COPS8: variants seen among roughly 807,000 people sequenced by gnomAD.
COPS8 encodes the protein COP9 signalosome complex subunit 8.
Under a neutral mutation model 31.5 loss-of-function variants are expected in COPS8, and 11 were observed. The ratio of observed to expected loss-of-function variants is 0.35; its 90% CI spans 0.22 to 0.58. The LOEUF is 0.58. Among genes scored for constraint, COPS8 ranks in the 20% least tolerant of loss-of-function variants. The probability of loss-of-function intolerance (pLI) is 0.83; values close to 1 mark genes in which losing one functional copy is unlikely to be tolerated. For missense variants in COPS8, 215 were observed against 255.1 expected, an observed-to-expected ratio of 0.84 and a Z score of 1.07; for synonymous variants, 81 against 89.3, an observed-to-expected ratio of 0.91 and a Z score of 0.52.
At position 237,097,753 on chromosome 2, in the gene COPS8, T is replaced by C. The variant is rs770005690; in HGVS notation, c.*11T>C. Reference sequence around the variant, plus strand: ...TTCCTTGAAAACTGATTTATCACTCTGAGTTCAAGATTCATCTTCAGAATC... The same window carrying C: ...TTCCTTGAAAACTGATTTATCACTCCGAGTTCAAGATTCATCTTCAGAATC... On this transcript the variant is annotated 3_prime_UTR_variant, in exon 8 of 8. Transcript: ENST00000354371. The C allele has an allele frequency of 4.4e-6, 7 of 1,590,652 alleles. No individual in the cohort carries two copies. The Admixed American group carries it at 8.4e-5, about 19-fold the overall frequency.
rs764966948 is a variant in COPS8 at position 237,097,749 on chromosome 2, ACT to A, written c.*10_*11del. ...GGCTTTCCTTGAAAACTGATTTATC[ACT>A]CTGAGTTCAAGATTCATCTTCAGAA... On this transcript the variant is annotated 3_prime_UTR_variant, in exon 8 of 8. Coordinates refer to ENST00000354371, the MANE Select transcript of COPS8 (RefSeq NM_006710.5). 2 of 1,598,886 alleles carry A rather than the reference ACT, an allele frequency of 1.3e-6. No individual in the cohort carries two copies. Among genetic ancestry groups the A allele is most frequent in the Non-Finnish European group, 1.7e-6 (2 of 1,168,026 alleles).
chr2:237,094,620 C>A (rs1320297514), intron 5 of COPS8, among the ~76,000 whole-genome samples: 8 of 152,152 alleles, frequency 5.3e-5, no homozygotes, highest in African/African-American at 1.9e-4. Context: ...ATTTTCATTT[C>A]TCAGCTGATG....
intron 7 of COPS8, among the ~76,000 whole-genome samples, chr2:237,097,421 A>G (rs530003095): frequency 2.6e-5 from 4 of 152,168 alleles, no homozygotes; most frequent in African/African-American, 4.8e-5. Context: ...AGTAACAACA[A>G]CATGAGACAT....
At chr2:237,096,062 T>C (rs1282552348) in intron 6 of COPS8, among the ~76,000 whole-genome samples, 178 bp downstream of exon 6, 1 of 152,236 alleles carries the variant, frequency 6.6e-6, no homozygotes, top group Non-Finnish European at 1.5e-5. Flanking sequence ...GTTTAAACTC[T>C]TAAAAATGTA....
At chr2:237,089,807 A>G (rs1310732462) in intron 3 of COPS8, 55 bp from the exon 4 acceptor site, 2 of 1,546,562 alleles carry the variant, frequency 1.3e-6, no homozygotes, top group African/African-American at 2.7e-5. Context: ...TTAAGATACA[A>G]TCATTGGTGC....
intron 4 of COPS8, chr2:237,093,673 G>A: frequency 1.0e-6 from 1 of 985,848 alleles, no homozygotes; most frequent in Non-Finnish European, 1.2e-6. Flanking sequence ...GTGTGGTCCT[G>A]TATTAGAGAC....
chr2:237,097,055 C>T (rs1696815678), intron 7 of COPS8, among the ~76,000 whole-genome samples, 186 bp downstream of exon 7: 1 of 152,190 alleles, frequency 6.6e-6, no homozygotes, highest in Non-Finnish European at 1.5e-5. Context: ...CCAGAGCTTG[C>T]CTTGAGGCGG....
At chr2:237,089,127 A>G (rs779073265) in intron 3 of COPS8, among the ~76,000 whole-genome samples, 9 of 152,212 alleles carry the variant, frequency 5.9e-5, no homozygotes, top group Non-Finnish European at 1.0e-4. Context: ...GCCTGTGAAA[A>G]GGTTCTTCCA....
chr2:237,089,748 T>G lies in COPS8; in HGVS notation c.199-114T>G, dbSNP rs1009153193. ...CTTTTAAAATAAATGTTGAATTAGGTTTTAATGATGTAGCTAACAAGTTTT... is the reference window on the plus strand; with the variant it reads ...CTTTTAAAATAAATGTTGAATTAGGGTTTAATGATGTAGCTAACAAGTTTT... On this transcript the variant is annotated intron_variant, in intron 3 of 7. Transcript: ENST00000354371. 21 of 1,032,812 alleles carry G rather than the reference T, an allele frequency of 2.0e-5. No individual in the cohort carries two copies. The Middle Eastern group carries it at 1.3e-3, about 64-fold the overall frequency. 64.0% of individuals were successfully genotyped at this position (1,032,812 alleles called of 1,614,324 possible).
In COPS8 at chr2:237,096,825, C is replaced by T. The variant is rs1245619754; in HGVS notation, c.506C>T (p.Ala169Val). 36 of 1,609,886 alleles carry T rather than the reference C, an allele frequency of 2.2e-5. No homozygotes were observed. Among genetic ancestry groups the T allele is most frequent in the Non-Finnish European group, 2.9e-5 (34 of 1,177,716 alleles). Residue 169 changes from alanine to valine, a missense_variant, in exon 7 of 8, where the codon GCA (alanine) becomes GTA (valine). Physicochemically the swap from Ala to Val is moderately conservative, Grantham distance 64. Transcript: ENST00000354371. Reference protein sequence around the residue: ...TRMVLPRKPVAGALDVSFNKF... With the variant: ...TRMVLPRKPVVGALDVSFNKF... Reference sequence around the variant, plus strand: ...TACATTTTTTTTTTGAATTTAGTTGCAGGGGCCCTGGATGTTTCCTTTAAC... The same window carrying T: ...TACATTTTTTTTTTGAATTTAGTTGTAGGGGCCCTGGATGTTTCCTTTAAC...
rs760280890 is a variant in COPS8, at chr2:237,087,145, A to G, written c.97A>G (p.Thr33Ala). The G allele has an allele frequency of 1.2e-6, 2 of 1,607,060 alleles. No individual in the cohort carries two copies. The highest frequency in any genetic ancestry group is 1.7e-6 in the Non-Finnish European group (2 of 1,177,288). ...CTTCTAGGCCCCTGGAGGAATTGCT[A>G]CACCCCCAGTGTATGGTCAGCTTCT... ...QELEAPGGIATPPVYGQLLAL... is the reference protein window; with the variant it reads ...QELEAPGGIAAPPVYGQLLAL... The change falls in exon 2 of 8, where the codon ACA (threonine) becomes GCA (alanine). Residue 33 changes from threonine to alanine, a missense_variant. Thr to Ala is a moderately conservative substitution (Grantham distance 58). Transcript: ENST00000354371.
intron 4 of COPS8, among the ~76,000 whole-genome samples, chr2:237,091,080 G>T (rs1484398469): frequency 6.6e-6 from 1 of 152,210 alleles, no homozygotes; most frequent in Admixed American, 6.5e-5. Flanking sequence ...TTTTACAGCG[G>T]GTTGATTGGC....
In COPS8 at chr2:237,096,874, G is replaced by T; in HGVS notation, c.550+5G>T. On this transcript the variant is annotated splice_donor_5th_base_variant and intron_variant, in intron 7 of 7. Transcript: ENST00000354371. Reference sequence around the variant, plus strand: ...ACAAGTTTATTCCCTTATCAGGTATGTATTTTCATATGCACATTTTTTAAT... The same window carrying T: ...ACAAGTTTATTCCCTTATCAGGTATTTATTTTCATATGCACATTTTTTAAT... 6.2e-7 allele frequency: 1 copy of T among 1,600,610 alleles called. No homozygotes were observed. The highest frequency in any genetic ancestry group is 8.5e-7 in the Non-Finnish European group (1 of 1,170,446).
Position 237,097,882 on chromosome 2 carries a change from A to G in COPS8, c.*140A>G. 1 of 597,974 alleles carries G rather than the reference A, an allele frequency of 1.7e-6. No homozygotes were observed. The highest frequency in any genetic ancestry group is 2.9e-5 in the East Asian group (1 of 34,712). 37.0% of individuals were successfully genotyped at this position (597,974 alleles called of 1,614,324 possible). ...CTATGTGATAAAATACATATAGAAT[A>G]TAAGATATACTATATACATTTTGTC... On this transcript the variant is annotated 3_prime_UTR_variant, in exon 8 of 8. Transcript: ENST00000354371.
chr2:237,091,359 G>A (rs1027133911), intron 4 of COPS8, among the ~76,000 whole-genome samples: 2 of 152,192 alleles, frequency 1.3e-5, no homozygotes, highest in Admixed American at 6.5e-5. Flanking sequence ...TTTGTGAAAT[G>A]TGATTAGAAA....
At chr2:237,096,463 C>G (rs1389872041) in intron 6 of COPS8, among the ~76,000 whole-genome samples, 4 of 152,282 alleles carry the variant, frequency 2.6e-5, no homozygotes, top group East Asian at 1.9e-4. Context: ...GTCTTTTCTG[C>G]CAGGTCTTTA....
At chr2:237,086,173 C>A (rs1696607928) in intron 1 of COPS8, 131 bp downstream of exon 1, 2 of 859,262 alleles carry the variant, frequency 2.3e-6, no homozygotes, top group Non-Finnish European at 1.9e-6. Context: ...GGGAGGTGGA[C>A]GTGTGGATCC....
intron 4 of COPS8, 135 bp from the exon 5 acceptor site, chr2:237,093,955 A>T (rs923254650): frequency 1.4e-5 from 20 of 1,429,972 alleles, no homozygotes; most frequent in Non-Finnish European, 1.8e-5. Flanking sequence ...ATTTGTATCT[A>T]TAAGCACAGA....
intron 1 of COPS8, 142 bp from the exon 2 acceptor site, chr2:237,086,985 A>G (rs1000680888): frequency 1.7e-6 from 1 of 580,372 alleles, no homozygotes; most frequent in Non-Finnish European, 2.9e-6. Flanking sequence ...GGACTATAAG[A>G]TTACTTATAG....
Sources: gnomAD v4.1 joint callset for allele counts (sites outside exome capture counted in the v4.1 genomes callset) on GRCh38, gnomAD v4.1.1 for gene constraint, MANE v1.5 for transcripts, NCBI Gene and HGNC (gene_info 2026-07-23, HGNC 2026-07-21) for gene names.